MEP1A: variants seen among roughly 807,000 people sequenced by gnomAD.
MEP1A encodes meprin A subunit alpha, also known as N-benzoyl-L-tyrosyl-P-amino-benzoic acid hydrolase subunit alpha.
In MEP1A, 68 loss-of-function variants were observed where a neutral mutation model predicts 84.5. That is an observed-to-expected ratio of 0.80 (90% CI 0.66 to 0.98). The LOEUF (loss-of-function observed/expected upper bound fraction) is 0.98, where lower values mean the gene tolerates loss of function less well. Among genes scored for constraint, MEP1A ranks in the 50% least tolerant of loss-of-function variants. MEP1A has a pLI of 0.00. For missense variants in MEP1A, 887 were observed against 919.9 expected (o/e 0.96, Z 0.46); for synonymous variants, 337 against 336.8 (o/e 1.00, Z -0.01).
At position 46,834,659 on chromosome 6, in the gene MEP1A, A is replaced by C; in HGVS notation, c.1691A>C (p.Asp564Ala). 6.2e-7 allele frequency: 1 copy of C among 1,611,442 alleles called. No individual in the cohort carries two copies. Among genetic ancestry groups the C allele is most frequent in the Non-Finnish European group, 8.5e-7 (1 of 1,179,458 alleles). Residue 564 changes from aspartate to alanine, a missense_variant, in exon 12 of 14, where the codon GAC (aspartate) becomes GCC (alanine). Physicochemically the swap from Asp to Ala is moderately radical, Grantham distance 126. Transcript: ENST00000230588. ...GACTGTAATTGTTTTAGAAGCATCG[A>C]CTTGGGCTGGAGTGGTTTCATTTCC... is the stretch of plus-strand genomic sequence containing the variant. ...HTDCNCFRSIDLGWSGFISHQ... is the reference protein window; with the variant it reads ...HTDCNCFRSIALGWSGFISHQ...
chr6:46,821,365 G>T (rs1438890195), intron 7 of MEP1A, among the ~76,000 whole-genome samples: 2 of 152,088 alleles, frequency 1.3e-5, no homozygotes, highest in Non-Finnish European at 2.9e-5. Context: ...ACTCTTCTTT[G>T]CCTCCCAGTC....
At chr6:46,807,606 A>AAGGAAGGAAGGAAGGT (rs1767371565) in intron 5 of MEP1A, among the ~76,000 whole-genome samples, 1 of 86,212 alleles carries the variant, frequency 1.2e-5, no homozygotes, top group Non-Finnish European at 2.2e-5. Flanking sequence ...GGAAGGAAGG[A>AAGGAAGGAAGGAAGGT]AGGAAGGAAG....
At chr6:46,807,550 A>C (rs1386365081) in intron 5 of MEP1A, among the ~76,000 whole-genome samples, 4 of 60,862 alleles carry the variant, frequency 6.6e-5, no homozygotes. Context: ...GAAAGAAAGA[A>C]AGAAAGAAAG....
rs541725527 is a variant in MEP1A, at chr6:46,839,269, T to A, written c.*133T>A. 1.6e-6 allele frequency: 1 copy of A among 638,638 alleles called. No homozygotes were observed. Among genetic ancestry groups the A allele is most frequent in the Non-Finnish European group, 2.6e-6 (1 of 382,344 alleles). The allele number at this position is 638,638 out of a possible 1,614,324, so 39.6% of individuals were successfully genotyped here. A position where few individuals can be genotyped will look rare whatever the true frequency, so the allele number is the denominator to read the frequency against. ...AAGGACTAAGGCCTCCAGCCCCATG[T>A]GTGACCCTTGTCATCTCTCTGCCCC... On this transcript the variant is annotated 3_prime_UTR_variant, in exon 14 of 14. Coordinates refer to ENST00000230588, the MANE Select transcript of MEP1A (RefSeq NM_005588.3).
intron 3 of MEP1A, among the ~76,000 whole-genome samples, chr6:46,795,005 G>T (rs994191399): frequency 1.3e-5 from 2 of 152,128 alleles, no homozygotes; most frequent in African/African-American, 4.8e-5. Context: ...AGGATTGATT[G>T]GGTTAGCCAT....
chr6:46,842,278 TA>T (rs1768346946), downstream of MEP1A, among the ~76,000 whole-genome samples: 1 of 152,162 alleles, frequency 6.6e-6, no homozygotes, highest in South Asian at 2.1e-4. Flanking sequence ...AAGGTAACCA[TA>T]AGGTCTGACT....
At chr6:46,801,246 T>C (rs1767192240) in intron 5 of MEP1A, among the ~76,000 whole-genome samples, 1 of 152,146 alleles carries the variant, frequency 6.6e-6, no homozygotes, top group African/African-American at 2.4e-5. Flanking sequence ...TGAAAATATA[T>C]GAGTGTTTCA....
downstream of MEP1A, among the ~76,000 whole-genome samples, chr6:46,841,978 C>A (rs542138267): frequency 1.9e-4 from 29 of 152,326 alleles, no homozygotes; most frequent in South Asian, 2.5e-3. Context: ...TTTATCAGTT[C>A]CCAAAATTAA....
intron 13 of MEP1A, among the ~76,000 whole-genome samples, chr6:46,836,887 C>T (rs1391039626): frequency 4.0e-5 from 6 of 151,252 alleles, no homozygotes; most frequent in African/African-American, 2.4e-5. Context: ...TATGCCTTCT[C>T]GCTGCAGCGT....
rs1232757869 is a variant in MEP1A at position 46,808,290 on chromosome 6, T to C, written c.263-1130T>C. On this transcript the variant is annotated intron_variant, in intron 5 of 13. Transcript: ENST00000230588. The stretch of plus-strand genomic sequence containing the variant: ...GCTCTTGTTATTGTTATCTGTGTAG[T>C]TTCCACAATTAGTTTATTGACTATT... 2.0e-5 allele frequency among the ~76,000 whole-genome samples: 3 copies of C among 152,070 alleles called. No homozygotes were observed. In the East Asian group the frequency reaches 5.8e-4, roughly 29 times the overall value.
intron 7 of MEP1A, among the ~76,000 whole-genome samples, chr6:46,824,639 A>G (rs1265263459): frequency 1.5e-5 from 2 of 132,404 alleles, no homozygotes; most frequent in Admixed American, 1.5e-4. Context: ...ATATTTAAAT[A>G]AATGTATTTA....
intron 10 of MEP1A, among the ~76,000 whole-genome samples, chr6:46,830,219 C>T (rs1768048178): frequency 7.4e-6 from 1 of 134,562 alleles, no homozygotes; most frequent in Non-Finnish European, 1.5e-5. Context: ...CACTGCACTC[C>T]AGGCTGGTGA....
At chr6:46,804,081 A>G (rs1447804083) in intron 5 of MEP1A, among the ~76,000 whole-genome samples, 2 of 151,604 alleles carry the variant, frequency 1.3e-5, no homozygotes, top group Non-Finnish European at 3.0e-5. Context: ...GAGTCTTCGT[A>G]TTTACTTTTA....
intron 3 of MEP1A, among the ~76,000 whole-genome samples, chr6:46,796,010 A>C (rs1022327581): frequency 4.6e-5 from 7 of 152,080 alleles, no homozygotes; most frequent in African/African-American, 1.7e-4. Flanking sequence ...AGTGTGAGTC[A>C]ATCTGCCCCT....
In MEP1A at chr6:46,806,313, G is replaced by A. The variant is rs533488837; in HGVS notation, c.263-3107G>A. 8.2e-4 allele frequency among the ~76,000 whole-genome samples: 125 copies of A among 152,090 alleles called. 1 individual carries two copies. The highest frequency in any genetic ancestry group is 1.6e-4 in the Non-Finnish European group (11 of 67,952). ...TTGTGTTACATTGTAGTGATTATGC[G>A]TGTTTTCATTCTCCTCTGAATTGTG... On this transcript the variant is annotated intron_variant, in intron 5 of 13. Coordinates refer to ENST00000230588, the MANE Select transcript of MEP1A (RefSeq NM_005588.3).
At chr6:46,809,966 G>C (rs4479929) in intron 6 of MEP1A, among the ~76,000 whole-genome samples, 101,846 of 151,474 alleles carry the variant, frequency 0.67, 34,759 homozygotes, top group African/African-American at 0.77. Flanking sequence ...TTCTTTTCCT[G>C]TGGGTAGATA....
At chr6:46,834,170 G>A (rs562108450) in intron 11 of MEP1A, among the ~76,000 whole-genome samples, 11 of 151,688 alleles carry the variant, frequency 7.3e-5, no homozygotes, top group Middle Eastern at 3.4e-3. Context: ...CAATCCACCC[G>A]CTTTGGCCTC....
Position 46,833,296 on chromosome 6 carries a change from GC to G in MEP1A, c.1370del (p.Pro457LeufsTer13). On this transcript the variant is annotated frameshift_variant, in exon 11 of 14. Transcript: ENST00000230588. LOFTEE classifies it high-confidence loss of function. ...ENTSKGDKLQ[S>X]PRFYNSEGYG... ...ACCAGCAAAGGGGACAAGCTTCAGA[GC>G]CCTCGATTCTACAATTCGGAGGGAT... is the stretch of plus-strand genomic sequence containing the variant. 1 of 1,614,202 alleles carries G rather than the reference GC, an allele frequency of 6.2e-7. No individual in the cohort carries two copies. Among genetic ancestry groups the G allele is most frequent in the Non-Finnish European group, 8.5e-7 (1 of 1,180,014 alleles).
At chr6:46,817,017 AGCAAGACTGGTG>A (rs1353349893) in intron 6 of MEP1A, among the ~76,000 whole-genome samples, 2 of 152,204 alleles carry the variant, frequency 1.3e-5, no homozygotes, top group Non-Finnish European at 2.9e-5. Flanking sequence ...ATTGAAATAG[AGCAAGACTGGTG>A]GCAAGAGATC....
Sources: gnomAD v4.1 joint callset for allele counts (sites outside exome capture counted in the v4.1 genomes callset) on GRCh38, gnomAD v4.1.1 for gene constraint, MANE v1.5 for transcripts, NCBI Gene and HGNC (gene_info 2026-07-23, HGNC 2026-07-21) for gene names.